CDK5: variants seen among roughly 807,000 people sequenced by gnomAD.
The protein encoded by CDK5 is cyclin-dependent kinase 5.
A neutral mutation model predicts 44.6 loss-of-function variants in CDK5; 18 were observed. The observed-to-expected ratio is 0.40, with a 90% CI of 0.28 to 0.60. The LOEUF (loss-of-function observed/expected upper bound fraction) is 0.60. Ranked by LOEUF, CDK5 falls within the 20% of genes least tolerant of loss-of-function variation. The pLI is 0.38. For synonymous variants in CDK5, 143 were observed against 152.8 expected (o/e 0.94, Z 0.47); for missense variants, 198 against 368.1 (o/e 0.54, Z 3.78).
chr7:151,057,658 G>T lies in CDK5; in HGVS notation c.37+154C>A. ...AAATGCTAACACGGGGAAGACTGGT[G>T]TCTGCACGGAGTGCTGAGCTAGGGG... On this transcript the variant is annotated intron_variant, in intron 1 of 11. Coordinates refer to ENST00000485972, the MANE Select transcript of CDK5 (RefSeq NM_004935.4). The surrounding 1 kb of genome is among the most constrained non-coding windows in gnomAD (Gnocchi z 5.2). 1.2e-6 allele frequency: 1 copy of T among 800,278 alleles called. No individual in the cohort carries two copies. The highest frequency in any genetic ancestry group is 2.1e-6 in the Non-Finnish European group (1 of 472,580). The allele number at this position is 800,278 out of a possible 1,614,324, so 49.6% of individuals were successfully genotyped here.
rs998425634 is a variant in CDK5 at position 151,055,664 on chromosome 7, C to T, written c.409-58G>A. ...GCCTTTAAAAAGCCTTGGGACAGCA[C>T]CAACTCCATCCTCCCAGTCCTCTTC... is the stretch of plus-strand genomic sequence containing the variant. On this transcript the variant is annotated intron_variant, in intron 6 of 11. Coordinates refer to ENST00000485972, the MANE Select transcript of CDK5 (RefSeq NM_004935.4). 7 of 1,552,258 alleles carry T rather than the reference C, an allele frequency of 4.5e-6. No homozygotes were observed. The East Asian group carries it at 1.4e-4, about 30-fold the overall frequency.
In CDK5 at chr7:151,056,946, G is replaced by GA; in HGVS notation, c.155dup (p.Cys53LeufsTer16). On this transcript the variant is annotated frameshift_variant, in exon 3 of 12. Coordinates refer to ENST00000485972, the MANE Select transcript of CDK5 (RefSeq NM_004935.4). LOFTEE classifies it high-confidence loss of function. The surrounding 1 kb of genome is among the most constrained non-coding windows in gnomAD (Gnocchi z 4.7). ...TGTGCTTCAGCTCCTTGAGTAGGCA[G>GA]ATCTCCCGGAGGGCGGAACTCGGCA... is the stretch of plus-strand genomic sequence containing the variant. 5 of 1,613,656 alleles carry GA rather than the reference G, an allele frequency of 3.1e-6. No homozygotes were observed. The highest frequency in any genetic ancestry group is 4.2e-6 in the Non-Finnish European group (5 of 1,179,740).
At position 151,054,576 on chromosome 7, in the gene CDK5, T is replaced by C. The variant is rs1584972558; in HGVS notation, c.651-111A>G. 2 of 1,024,528 alleles carry C rather than the reference T, an allele frequency of 2.0e-6. No homozygotes were observed. Among genetic ancestry groups the C allele is most frequent in the Non-Finnish European group, 2.9e-6 (2 of 698,338 alleles). 63.5% of individuals were successfully genotyped at this position (1,024,528 alleles called of 1,614,324 possible). A position where few individuals can be genotyped will look rare whatever the true frequency, so the allele number is the denominator to read the frequency against. On this transcript the variant is annotated intron_variant, in intron 9 of 11. Coordinates refer to ENST00000485972, the MANE Select transcript of CDK5 (RefSeq NM_004935.4). The surrounding 1 kb of genome is among the most constrained non-coding windows in gnomAD (Gnocchi z 5.7). ...GGGATTCCTCATACCCACCGCCCAC[T>C]TCTCACCCTCCCTTTACCCTCCGGC...
rs757641095 is a variant in CDK5 at position 151,055,389 on chromosome 7, C to G, written c.484-16G>C. 2 of 1,602,868 alleles carry G rather than the reference C, an allele frequency of 1.2e-6. No individual in the cohort carries two copies. Among genetic ancestry groups the G allele is most frequent in the Non-Finnish European group, 1.7e-6 (2 of 1,169,820 alleles). On this transcript the variant is annotated splice_polypyrimidine_tract_variant and intron_variant, in intron 7 of 11. Coordinates refer to ENST00000485972, the MANE Select transcript of CDK5 (RefSeq NM_004935.4). The stretch of plus-strand genomic sequence containing the variant: ...GTGTGACCACCTGGAGGAGACCCCC[C>G]CCGAAAGGGACCTCCCACTTAGAGG...
rs35186917 is a variant in CDK5 at position 151,054,441 on chromosome 7, C to T, written c.675G>A (p.Glu225=). 2 of 1,613,340 alleles carry T rather than the reference C, an allele frequency of 1.2e-6. No homozygotes were observed. The highest frequency in any genetic ancestry group is 1.7e-5 in the Admixed American group (1 of 59,988). The part of the protein sequence containing the change: ...IFRLLGTPTE[E]QWPSMTKLPD... The stretch of plus-strand genomic sequence containing the variant: ...GCAGCTTGGTCATAGAGGGCCACTG[C>T]TCCTCGGTGGGCGTCCCCAGCAGTG... Residue 225 remains glutamate (E), a synonymous_variant, in exon 10 of 12, where the codon GAG becomes GAA. Transcript: ENST00000485972. The surrounding 1 kb of genome is among the most constrained non-coding windows in gnomAD (Gnocchi z 5.7).
Position 151,056,198 on chromosome 7 carries a change from C to T in CDK5, c.313-350G>A. On this transcript the variant is annotated intron_variant, in intron 5 of 11. Coordinates refer to ENST00000485972, the MANE Select transcript of CDK5 (RefSeq NM_004935.4). The surrounding 1 kb of genome is among the most constrained non-coding windows in gnomAD (Gnocchi z 4.7). ...CGTGAACATCAACATAAATATCGTG[C>T]TGTAGTATCATTCAGGACTGGCTCC... is the stretch of plus-strand genomic sequence containing the variant. 2.0e-6 allele frequency: 1 copy of T among 512,698 alleles called. No individual in the cohort carries two copies. Among genetic ancestry groups the T allele is most frequent in the Non-Finnish European group, 3.5e-6 (1 of 285,492 alleles). 31.8% of individuals were successfully genotyped at this position (512,698 alleles called of 1,614,324 possible). A position where few individuals can be genotyped will look rare whatever the true frequency, so the allele number is the denominator to read the frequency against.
chr7:151,055,107 G>A lies in CDK5; in HGVS notation c.581-11C>T. On this transcript the variant is annotated splice_polypyrimidine_tract_variant and intron_variant, in intron 8 of 11. Transcript: ENST00000485972. ...CAGCATTGGCCAGCTCTGGGGGATA[G>A]ACAGGGGGCTAAGATGTGACATGTG... 1 of 1,609,514 alleles carries A rather than the reference G, an allele frequency of 6.2e-7. No individual in the cohort carries two copies. The highest frequency in any genetic ancestry group is 8.5e-7 in the Non-Finnish European group (1 of 1,177,618).
Position 151,055,677 on chromosome 7 carries a change from C to G in CDK5, c.409-71G>C. ...CTTGGGACAGCACCAACTCCATCCT[C>G]CCAGTCCTCTTCCCTCTGTGCTCCC... On this transcript the variant is annotated intron_variant, in intron 6 of 11. Transcript: ENST00000485972. 11 of 1,537,730 alleles carry G rather than the reference C, an allele frequency of 7.2e-6. No individual in the cohort carries two copies. The South Asian group carries it at 1.3e-4, about 18-fold the overall frequency.
rs1796898045 is a variant in CDK5 at position 151,056,556 on chromosome 7, G to A, written c.312+24C>T. On this transcript the variant is annotated intron_variant, in intron 5 of 11. Transcript: ENST00000485972. The surrounding 1 kb of genome is among the most constrained non-coding windows in gnomAD (Gnocchi z 4.7). ...GCAGACTCCGACCCCAGCCTGAGGGGTCCCCCAACACCACTCTCCTCACCT... is the reference window on the plus strand; with the variant it reads ...GCAGACTCCGACCCCAGCCTGAGGGATCCCCCAACACCACTCTCCTCACCT... The A allele has an allele frequency of 6.2e-7, 1 of 1,605,868 alleles. No individual in the cohort carries two copies. The highest frequency in any genetic ancestry group is 1.1e-5 in the South Asian group (1 of 89,798).
rs1294631508 is a variant in CDK5 at position 151,056,560 on chromosome 7, C to T, written c.312+20G>A. 1.9e-5 allele frequency: 31 copies of T among 1,607,600 alleles called. No individual in the cohort carries two copies. Among genetic ancestry groups the T allele is most frequent in the Non-Finnish European group, 2.5e-5 (30 of 1,176,520 alleles). The stretch of plus-strand genomic sequence containing the variant: ...ACTCCGACCCCAGCCTGAGGGGTCC[C>T]CCAACACCACTCTCCTCACCTTTAC... On this transcript the variant is annotated intron_variant, in intron 5 of 11. Coordinates refer to ENST00000485972, the MANE Select transcript of CDK5 (RefSeq NM_004935.4). This position sits in a 1 kb window ranked among gnomAD's most constrained non-coding sequence, Gnocchi z 4.7.
rs1478864276 is a variant in CDK5, at chr7:151,056,695, T to A, written c.255+41A>T. On this transcript the variant is annotated intron_variant, in intron 4 of 11. Coordinates refer to ENST00000485972, the MANE Select transcript of CDK5 (RefSeq NM_004935.4). The surrounding 1 kb of genome is among the most constrained non-coding windows in gnomAD (Gnocchi z 4.7). ...AGTTTAACCTCAATCTGGGCCCCTA[T>A]ACCTTCCCAAGGCTACTGTCCTCCA... 3 of 1,611,452 alleles carry A rather than the reference T, an allele frequency of 1.9e-6. No homozygotes were observed. In the Admixed American group the frequency reaches 5.0e-5, roughly 27 times the overall value.
At position 151,056,558 on chromosome 7, in the gene CDK5, C is replaced by A. The variant is rs1376691912; in HGVS notation, c.312+22G>T. The A allele has an allele frequency of 6.2e-7, 1 of 1,606,222 alleles. No individual in the cohort carries two copies. Among genetic ancestry groups the A allele is most frequent in the Non-Finnish European group, 8.5e-7 (1 of 1,175,340 alleles). ...AGACTCCGACCCCAGCCTGAGGGGT[C>A]CCCCAACACCACTCTCCTCACCTTT... On this transcript the variant is annotated intron_variant, in intron 5 of 11. Coordinates refer to ENST00000485972, the MANE Select transcript of CDK5 (RefSeq NM_004935.4). The surrounding 1 kb of genome is among the most constrained non-coding windows in gnomAD (Gnocchi z 4.7).
chr7:151,055,249 G>A (rs1480826665), intron 8 of CDK5, 28 bp downstream of exon 8: 1 of 1,596,534 alleles, frequency 6.3e-7, no homozygotes, highest in Admixed American at 1.7e-5. Flanking sequence ...GGGAAAGAAG[G>A]TGCCTCTGCA....
At position 151,054,176 on chromosome 7, in the gene CDK5, A is replaced by G; in HGVS notation, c.792+36T>C. The G allele has an allele frequency of 1.2e-6, 2 of 1,600,146 alleles. No homozygotes were observed. The highest frequency in any genetic ancestry group is 1.1e-5 in the South Asian group (1 of 88,836). On this transcript the variant is annotated intron_variant, in intron 11 of 11. Coordinates refer to ENST00000485972, the MANE Select transcript of CDK5 (RefSeq NM_004935.4). This position sits in a 1 kb window ranked among gnomAD's most constrained non-coding sequence, Gnocchi z 5.7. The stretch of plus-strand genomic sequence containing the variant: ...TGCCTTCCTGTAGTCCCACTGGGCA[A>G]GTGTCCTGACCCACCCTCTACCCCT...
Position 151,057,172 on chromosome 7 carries a change from AGGTCAGG to A in CDK5, c.38-19_38-13del. On this transcript the variant is annotated splice_polypyrimidine_tract_variant and intron_variant, in intron 1 of 11. Transcript: ENST00000485972. The surrounding 1 kb of genome is among the most constrained non-coding windows in gnomAD (Gnocchi z 5.2). ...AGTTCCGTAGGTGCCTAGGGGAAGG[AGGTCAGG>A]GGTCAGGGTGAGGATGCGGCACTCT... The A allele has an allele frequency of 6.2e-7, 1 of 1,607,830 alleles. No homozygotes were observed.
chr7:151,055,448 A>G lies in CDK5; in HGVS notation c.484-75T>C, dbSNP rs1158586433. 3.9e-6 allele frequency: 6 copies of G among 1,558,338 alleles called. No individual in the cohort carries two copies. In the Admixed American group the frequency reaches 1.0e-4, roughly 26 times the overall value. ...GGAGGTTTGAGGAGGAGGCTCAGAG[A>G]GGAGAGGAAAATAATGTTTTGGGTC... On this transcript the variant is annotated intron_variant, in intron 7 of 11. Coordinates refer to ENST00000485972, the MANE Select transcript of CDK5 (RefSeq NM_004935.4).
chr7:151,055,022 G>T lies in CDK5; in HGVS notation c.650+5C>A. 6.2e-7 allele frequency: 1 copy of T among 1,613,686 alleles called. No individual in the cohort carries two copies. The highest frequency in any genetic ancestry group is 8.5e-7 in the Non-Finnish European group (1 of 1,179,736). Reference sequence around the variant, plus strand: ...AGGGCTCAAGGCAGAGGAAAGCAAGGATATCGGAAGATCCTCTTCAACTGG... The same window carrying T: ...AGGGCTCAAGGCAGAGGAAAGCAAGTATATCGGAAGATCCTCTTCAACTGG... On this transcript the variant is annotated splice_donor_5th_base_variant and intron_variant, in intron 9 of 11. Transcript: ENST00000485972.
chr7:151,055,630 T>C, intron 6 of CDK5, 24 bp from the exon 7 acceptor site: 2 of 1,609,076 alleles, frequency 1.2e-6, no homozygotes, highest in Non-Finnish European at 1.7e-6. Flanking sequence ...GAAGGGGACA[T>C]GGAGAAGGGC....
chr7:151,057,873 G>A lies in CDK5; in HGVS notation c.-25C>T, dbSNP rs1016312652. The A allele has an allele frequency of 6.2e-7, 1 of 1,601,662 alleles. No homozygotes were observed. Among genetic ancestry groups the A allele is most frequent in the Non-Finnish European group, 8.5e-7 (1 of 1,174,524 alleles). On this transcript the variant is annotated 5_prime_UTR_variant, in exon 1 of 12. Transcript: ENST00000485972. This position sits in a 1 kb window ranked among gnomAD's most constrained non-coding sequence, Gnocchi z 5.2. ...TCGCGGCGGCCGCGGGGACCCCTGC[G>A]GGCCCTCGGTTTTAAGACTCTGGCC...
Sources: gnomAD v4.1 joint callset for allele counts on GRCh38, gnomAD v4.1.1 for gene constraint, Gnocchi (gnomAD v3.1) non-coding constraint, MANE v1.5 for transcripts, NCBI Gene and HGNC (gene_info 2026-07-23, HGNC 2026-07-21) for gene names.